UBOX5: variants seen among roughly 807,000 people sequenced by gnomAD.
The protein encoded by UBOX5 is RING finger protein 37.
UBOX5 carries 28 observed loss-of-function variants against 39.0 expected under a neutral mutation model. That is an observed-to-expected ratio of 0.72 (90% CI 0.53 to 0.98). The LOEUF is 0.98. UBOX5 is among the 50% of genes least tolerant of loss of function. UBOX5 has a pLI of 0.00. For missense variants in UBOX5, 585 were observed against 674.4 expected (o/e 0.87, Z 1.47); for synonymous variants, 283 against 275.5 (o/e 1.03, Z -0.27).
At chr20:3,138,016 T>C (rs1415981936) in intron 1 of UBOX5, among the ~76,000 whole-genome samples, 1 of 152,250 alleles carries the variant, frequency 6.6e-6, no homozygotes, top group Non-Finnish European at 1.5e-5. Flanking sequence ...CTCACGCCTG[T>C]AATCCCGGCA....
intron 1 of UBOX5, among the ~76,000 whole-genome samples, chr20:3,131,306 C>G (rs1378846453): frequency 6.6e-6 from 1 of 151,484 alleles, no homozygotes; most frequent in Non-Finnish European, 1.5e-5. Context: ...GTTAATAAAG[C>G]ATTCTAATTT....
At chr20:3,133,712 C>T (rs950690651) in intron 1 of UBOX5, among the ~76,000 whole-genome samples, 2 of 151,468 alleles carry the variant, frequency 1.3e-5, no homozygotes. Flanking sequence ...TATTTCCTCT[C>T]TCTTTTTGCC....
At chr20:3,139,379 T>A (rs1300344160) in intron 1 of UBOX5, among the ~76,000 whole-genome samples, 1 of 150,602 alleles carries the variant, frequency 6.6e-6, no homozygotes, top group Non-Finnish European at 1.5e-5. Flanking sequence ...TCTTTATTTT[T>A]AATTTTTATT....
chr20:3,132,025 A>AC (rs1187405986), intron 1 of UBOX5, among the ~76,000 whole-genome samples: 33 of 149,216 alleles, frequency 2.2e-4, no homozygotes, highest in Non-Finnish European at 4.5e-4. Context: ...AAAAAAAAAA[A>AC]AAAACTGGGC....
chr20:3,146,742 A>G (rs1172074780), intron 1 of UBOX5: 1 of 1,594,512 alleles, frequency 6.3e-7, no homozygotes, highest in Non-Finnish European at 8.5e-7. Flanking sequence ...GTATACACCT[A>G]TAGCTTTGCC....
At chr20:3,153,461 A>G (rs1009398273) in intron 1 of UBOX5, among the ~76,000 whole-genome samples, 11 of 152,262 alleles carry the variant, frequency 7.2e-5, no homozygotes, top group African/African-American at 2.7e-4. Context: ...GATGAGAAAG[A>G]GACCACAAGA....
At position 3,149,091 on chromosome 20, in the gene UBOX5, C is replaced by T. The variant is rs765099523; in HGVS notation, c.-42+10675G>A. ...GCCATTCTGGTGTCAGTATTGATCTCTTTGGCAGTCAGAATACAGTCCTCA... is the reference window on the plus strand; with the variant it reads ...GCCATTCTGGTGTCAGTATTGATCTTTTTGGCAGTCAGAATACAGTCCTCA... On this transcript the variant is annotated intron_variant, in intron 1 of 4. Coordinates refer to ENST00000217173, the MANE Select transcript of UBOX5 (RefSeq NM_014948.4). This position sits in a 1 kb window ranked among gnomAD's most constrained non-coding sequence, Gnocchi z 4.1. The T allele has an allele frequency of 6.3e-7, 1 of 1,588,038 alleles. No homozygotes were observed. Among genetic ancestry groups the T allele is most frequent in the Non-Finnish European group, 8.6e-7 (1 of 1,167,140 alleles).
At chr20:3,114,624 T>C (rs1259208826) in intron 4 of UBOX5, among the ~76,000 whole-genome samples, 3 of 151,954 alleles carry the variant, frequency 2.0e-5, no homozygotes, top group African/African-American at 4.8e-5. Flanking sequence ...GTGCCCCGGA[T>C]GTCAGACTGC....
chr20:3,123,272 A>G (rs145485756), intron 2 of UBOX5, 40 bp downstream of exon 2: 12 of 1,586,140 alleles, frequency 7.6e-6, no homozygotes, highest in Middle Eastern at 3.4e-4. Flanking sequence ...CACATGACAA[A>G]CATAGCATAT....
chr20:3,121,473 G>T lies in UBOX5; in HGVS notation c.1166C>A (p.Pro389His). Residue 389 changes from proline to histidine, a missense_variant, in exon 3 of 5, where the codon CCT becomes CAT. Physicochemically the swap from Pro to His is moderately conservative, Grantham distance 77. Transcript: ENST00000217173. ...CTCTGAGGTAGTGGGTAAGACCAAA[G>T]GGCTTGTGGCAGAAAAACAGGAAGC... ...VNASCFSATS[P>H]LVLPTTSEHT... The T allele has an allele frequency of 6.2e-7, 1 of 1,614,100 alleles. No homozygotes were observed.
In UBOX5 at chr20:3,115,307, G is replaced by A. The variant is rs377263612; in HGVS notation, c.1415C>T (p.Ser472Leu). 55 of 1,610,404 alleles carry A rather than the reference G, an allele frequency of 3.4e-5. No individual in the cohort carries two copies. Among genetic ancestry groups the A allele is most frequent in the Non-Finnish European group, 4.2e-5 (50 of 1,178,450 alleles). The change falls in exon 4 of 5, where the codon TCG becomes TTG. Residue 472 changes from serine to leucine, a missense_variant and splice_region_variant. By Grantham distance (145) the Ser-to-Leu change is moderately radical (BLOSUM62 -2). Transcript: ENST00000217173. ...SNTSWRPGTG[S>L]EQPGSILGPE... ...GGAGATGGCGGGGCCCATGTTACCC[G>A]AGCCGGTGCCAGGCCTCCAGGAAGT...
intron 1 of UBOX5, among the ~76,000 whole-genome samples, chr20:3,127,442 T>C (rs368712614): frequency 6.6e-6 from 1 of 152,232 alleles, no homozygotes; most frequent in Non-Finnish European, 1.5e-5. Context: ...TTTTACATAT[T>C]AACACAAAGT....
chr20:3,115,097 C>G (rs1300498494), intron 4 of UBOX5, among the ~76,000 whole-genome samples: 1 of 152,162 alleles, frequency 6.6e-6, no homozygotes, highest in Non-Finnish European at 1.5e-5. Context: ...GAAAGCCTTT[C>G]TTGTGGGGAG....
At chr20:3,146,580 T>C (rs1021791637) in intron 1 of UBOX5, 9 of 592,506 alleles carry the variant, frequency 1.5e-5, no homozygotes, top group African/African-American at 1.5e-4. Flanking sequence ...TGTATACATT[T>C]GCAGTAATTT....
intron 3 of UBOX5, among the ~76,000 whole-genome samples, chr20:3,118,101 TGA>T (rs1489545716): frequency 6.6e-6 from 1 of 151,856 alleles, no homozygotes; most frequent in African/African-American, 2.4e-5. Flanking sequence ...GAGGTCGCAG[TGA>T]GCAGAGATTG....
chr20:3,124,682 T>G (rs1390847951), intron 1 of UBOX5, among the ~76,000 whole-genome samples: 3 of 149,212 alleles, frequency 2.0e-5, no homozygotes, highest in African/African-American at 7.6e-5. Flanking sequence ...GAGGAGTGCC[T>G]CTGCCCGGCC....
intron 3 of UBOX5, among the ~76,000 whole-genome samples, chr20:3,118,644 C>A (rs934949572): frequency 6.6e-6 from 1 of 151,886 alleles, no homozygotes; most frequent in African/African-American, 2.4e-5. Context: ...TGCTGGCGGG[C>A]GCCTGTAGTC....
chr20:3,126,023 G>A (rs889778339), intron 1 of UBOX5, among the ~76,000 whole-genome samples: 5 of 152,244 alleles, frequency 3.3e-5, no homozygotes, highest in South Asian at 4.1e-4. Flanking sequence ...AAGAGACAGC[G>A]AACATCAAGA....
chr20:3,153,631 A>G (rs950925098), intron 1 of UBOX5, among the ~76,000 whole-genome samples: 2 of 152,194 alleles, frequency 1.3e-5, no homozygotes, highest in African/African-American at 4.8e-5. Flanking sequence ...TGGCTGAACA[A>G]TCTATGGTCT....
Sources: gnomAD v4.1 joint callset for allele counts (sites outside exome capture counted in the v4.1 genomes callset) on GRCh38, gnomAD v4.1.1 for gene constraint, Gnocchi (gnomAD v3.1) non-coding constraint, MANE v1.5 for transcripts, NCBI Gene and HGNC (gene_info 2026-07-23, HGNC 2026-07-21) for gene names.